Variants in TSGA10 observed in about 807,000 individuals in gnomAD.
The protein encoded by TSGA10 is testis-specific gene 10 protein.
In TSGA10, 43 loss-of-function variants were observed where a neutral mutation model predicts 96.6. The ratio of observed to expected loss-of-function variants is 0.44; its 90% CI spans 0.35 to 0.57. The LOEUF (loss-of-function observed/expected upper bound fraction) is 0.57, where lower values mean the gene tolerates loss of function less well. TSGA10 is among the 20% of genes least tolerant of loss of function. The pLI is 0.01. For missense variants in TSGA10, 703 were observed against 834.4 expected, an observed-to-expected ratio of 0.84 and a Z score of 1.94; for synonymous variants, 229 against 269.9, an observed-to-expected ratio of 0.85 and a Z score of 1.48.
chr2:99,134,664 G>C (rs1311281647), intron 1 of TSGA10, among the ~76,000 whole-genome samples: 1 of 152,028 alleles, frequency 6.6e-6, no homozygotes, highest in East Asian at 1.9e-4. Flanking sequence ...GAGGCGTTCT[G>C]GTTTTTGAAA....
At position 99,002,371 on chromosome 2, in the gene TSGA10, T is replaced by C. The variant is rs1471127628; in HGVS notation, c.2073-4150A>G. ...AAAGAATTTTCAACCCAGAATTTCA[T>C]ATCCAGCCAAACTAAGCTTCGTAAG... On this transcript the variant is annotated intron_variant, in intron 20 of 20. Transcript: ENST00000393483. Among the ~76,000 whole-genome samples, 4 of 152,190 alleles carry C rather than the reference T, an allele frequency of 2.6e-5. No individual in the cohort carries two copies. The East Asian group carries it at 7.7e-4, about 29-fold the overall frequency.
At chr2:99,003,592 C>A (rs2078174510) in intron 20 of TSGA10, among the ~76,000 whole-genome samples, 2 of 152,188 alleles carry the variant, frequency 1.3e-5, no homozygotes, top group Admixed American at 6.6e-5. Context: ...TAAATTATAA[C>A]AAACTGTCTC....
At chr2:99,042,653 AT>A (rs1461189462) in intron 16 of TSGA10, among the ~76,000 whole-genome samples, 3 of 151,808 alleles carry the variant, frequency 2.0e-5, no homozygotes, top group African/African-American at 7.2e-5. Context: ...ACATACGTAT[AT>A]GTGCAAAAGT....
chr2:99,118,759 C>T (rs1457534853), intron 2 of TSGA10, 73 bp from the exon 3 acceptor site: 1 of 784,164 alleles, frequency 1.3e-6, no homozygotes, highest in African/African-American at 1.9e-5. Context: ...TCCAAAAATA[C>T]AAAGATAGGT....
At chr2:99,059,054 ATATATATATATATATTTATATATTTT>A (rs1312211180) in intron 16 of TSGA10, among the ~76,000 whole-genome samples, 23 of 112,662 alleles carry the variant, frequency 2.0e-4, no homozygotes, top group South Asian at 1.8e-3. Context: ...AAAATAATAT[ATATATATATATATATTTATATATTTT>A]TATATATATA....
chr2:99,091,440 A>G (rs1449547341), intron 10 of TSGA10, among the ~76,000 whole-genome samples: 2 of 152,190 alleles, frequency 1.3e-5, no homozygotes, highest in Non-Finnish European at 2.9e-5. Flanking sequence ...AATGAATAGA[A>G]TAGTGTGTCA....
chr2:99,068,421 CTGATG>C, intron 15 of TSGA10, among the ~76,000 whole-genome samples: 1 of 152,294 alleles, frequency 6.6e-6, no homozygotes, highest in East Asian at 1.9e-4. Flanking sequence ...TTGGAGTCAT[CTGATG>C]TCATGTACAT....
chr2:99,049,407 A>G (rs561778868), intron 16 of TSGA10, among the ~76,000 whole-genome samples: 1 of 152,370 alleles, frequency 6.6e-6, no homozygotes, highest in South Asian at 2.1e-4. Flanking sequence ...GCCATAAAAA[A>G]GGATGAGTTC....
intron 20 of TSGA10, among the ~76,000 whole-genome samples, chr2:99,011,447 G>C (rs116781132): frequency 6.6e-6 from 1 of 152,088 alleles, no homozygotes; most frequent in Non-Finnish European, 1.5e-5. Flanking sequence ...CAGGTCTTTA[G>C]AATTAGCCCA....
intron 1 of TSGA10, chr2:99,141,578 G>T (rs1273586759): frequency 6.5e-6 from 1 of 152,892 alleles, no homozygotes; most frequent in Non-Finnish European, 1.5e-5. Context: ...CGCCCACGCA[G>T]CGCCTAGACG....
chr2:99,074,375 T>TGTGTGTGTGC (rs1216106717), intron 12 of TSGA10, among the ~76,000 whole-genome samples: 4 of 151,772 alleles, frequency 2.6e-5, no homozygotes, highest in African/African-American at 7.3e-5. Context: ...TGTGTGTGTG[T>TGTGTGTGTGC]GCTATCTTCC....
intron 20 of TSGA10, among the ~76,000 whole-genome samples, chr2:99,000,298 A>G (rs1247746604): frequency 6.6e-6 from 1 of 151,888 alleles, no homozygotes; most frequent in Non-Finnish European, 1.5e-5. Flanking sequence ...ACCTGAGGTC[A>G]GGAGTTCGAG....
Position 99,105,575 on chromosome 2 carries a change from A to G in TSGA10, c.333T>C (p.Asp111=). Residue 111 remains aspartate, a synonymous_variant, in exon 8 of 21, where the codon GAT becomes GAC. Coordinates refer to ENST00000393483, the MANE Select transcript of TSGA10 (RefSeq NM_025244.4). ...VETERDVAFT[D]LRRMTTERDS... is the part of the protein sequence containing the mutation. ...CTCGTTCTGTGGTCATTCTTCGTAA[A>G]TCAGTAAAGGCTACATCTCTTTCAG... 1.2e-6 allele frequency: 2 copies of G among 1,612,264 alleles called. No individual in the cohort carries two copies. Among genetic ancestry groups the G allele is most frequent in the East Asian group, 2.2e-5 (1 of 44,792 alleles).
chr2:99,001,398 T>C (rs1378839380), intron 20 of TSGA10, among the ~76,000 whole-genome samples: 1 of 152,050 alleles, frequency 6.6e-6, no homozygotes, highest in Non-Finnish European at 1.5e-5. Flanking sequence ...GTCCTGACTG[T>C]TAGAAGGAAA....
rs141419776 is a variant in TSGA10, at chr2:99,062,219, C to A, written c.1404+2720G>T. Among the ~76,000 whole-genome samples the A allele has an allele frequency of 3.8e-3, 584 of 152,058 alleles. 3 individuals are homozygous for A. Among genetic ancestry groups the A allele is most frequent in the Non-Finnish European group, 6.3e-3 (430 of 67,990 alleles). The stretch of plus-strand genomic sequence containing the variant: ...ATATATATAACATACATATATGTGT[C>A]CACCAAGAAGTGAGCACAGATGCTT... On this transcript the variant is annotated intron_variant, in intron 16 of 20. Coordinates refer to ENST00000393483, the MANE Select transcript of TSGA10 (RefSeq NM_025244.4).
chr2:99,007,557 A>G (rs2078612355), intron 20 of TSGA10, among the ~76,000 whole-genome samples: 1 of 152,226 alleles, frequency 6.6e-6, no homozygotes, highest in Non-Finnish European at 1.5e-5. Flanking sequence ...ATGAAGAATG[A>G]CAGTTCAGAA....
intron 9 of TSGA10, 95 bp downstream of exon 9, chr2:99,105,264 A>C: frequency 1.8e-6 from 2 of 1,104,012 alleles, no homozygotes; most frequent in Non-Finnish European, 2.6e-6. Flanking sequence ...ATCTTAGAAA[A>C]ATAAAATAAC....
chr2:99,034,175 C>T (rs1445298891), intron 17 of TSGA10, among the ~76,000 whole-genome samples: 1 of 151,952 alleles, frequency 6.6e-6, no homozygotes, highest in African/African-American at 2.4e-5. Flanking sequence ...AATCTCCATA[C>T]ATTCTGGATT....
chr2:99,150,600 T>C, intron 1 of TSGA10: 1 of 1,613,978 alleles, frequency 6.2e-7, no homozygotes, highest in Non-Finnish European at 8.5e-7. Flanking sequence ...AGGTATCTGC[T>C]ATACATATGG....
Sources: gnomAD v4.1 joint callset for allele counts (sites outside exome capture counted in the v4.1 genomes callset) on GRCh38, gnomAD v4.1.1 for gene constraint, MANE v1.5 for transcripts, NCBI Gene and HGNC (gene_info 2026-07-23, HGNC 2026-07-21) for gene names.